EXD3: variants seen among roughly 807,000 people sequenced by gnomAD.
EXD3 encodes the protein exonuclease mut-7 homolog.
A neutral mutation model predicts 98.0 loss-of-function variants in EXD3; 92 were observed. The observed-to-expected ratio is 0.94, with a 90% CI of 0.79 to 1.12. The LOEUF (loss-of-function observed/expected upper bound fraction) is 1.12, where lower values mean the gene tolerates loss of function less well. EXD3 is among the 50% of genes most tolerant of loss of function. The probability of loss-of-function intolerance (pLI) is 0.00; values close to 1 mark genes in which losing one functional copy is unlikely to be tolerated. For synonymous variants in EXD3, 569 were observed against 526.0 expected, an observed-to-expected ratio of 1.08 and a Z score of -1.12; for missense variants, 1,222 against 1,191.6, an observed-to-expected ratio of 1.03 and a Z score of -0.38.
At chr9:137,374,259 G>A (rs1195338075) in intron 3 of EXD3, among the ~76,000 whole-genome samples, 1 of 152,246 alleles carries the variant, frequency 6.6e-6, no homozygotes, top group African/African-American at 2.4e-5. Context: ...CTAAAGGGGT[G>A]GACGGGTTCA....
At chr9:137,320,239 G>A (rs1399552353) in intron 19 of EXD3, among the ~76,000 whole-genome samples, 2 of 152,202 alleles carry the variant, frequency 1.3e-5, no homozygotes, top group African/African-American at 4.8e-5. Flanking sequence ...CCTGCCCCCA[G>A]ACAGAGGGGC....
In EXD3 at chr9:137,403,470, C is replaced by T. The variant is rs1002628774; in HGVS notation, c.-47-8066G>A. On this transcript the variant is annotated intron_variant, in intron 1 of 21. Transcript: ENST00000340951. This position sits in a 1 kb window ranked among gnomAD's most constrained non-coding sequence, Gnocchi z 6.1. Reference sequence around the variant, plus strand: ...ACCCTGGCCCAGGGTCTCCGAGGGTCGGGGGCCGCAGGGTCTGGCAGCACC... The same window carrying T: ...ACCCTGGCCCAGGGTCTCCGAGGGTTGGGGGCCGCAGGGTCTGGCAGCACC... Among the ~76,000 whole-genome samples the T allele has an allele frequency of 3.9e-5, 6 of 152,028 alleles. No homozygotes were observed. Among genetic ancestry groups the T allele is most frequent in the East Asian group, 1.9e-4 (1 of 5,134 alleles).
intron 2 of EXD3, 62 bp from the exon 3 acceptor site, chr9:137,383,439 C>T (rs1041980052): frequency 3.9e-5 from 51 of 1,311,194 alleles, no homozygotes; most frequent in African/African-American, 4.5e-5. Flanking sequence ...TCGCACAGCC[C>T]GCCGGGAAGT....
At chr9:137,365,862 C>T (rs1171203319) in intron 7 of EXD3, 2 of 364,716 alleles carry the variant, frequency 5.5e-6, no homozygotes, top group Non-Finnish European at 1.1e-5. Flanking sequence ...ACAATGCACA[C>T]ACAGATATAC....
At chr9:137,388,571 T>C (rs774401849) in intron 2 of EXD3, among the ~76,000 whole-genome samples, 5 of 151,936 alleles carry the variant, frequency 3.3e-5, no homozygotes, top group Non-Finnish European at 7.4e-5. Context: ...ATCCACAGGG[T>C]TGGGGGCACA....
intron 19 of EXD3, among the ~76,000 whole-genome samples, chr9:137,310,970 GCCT>G (rs1367790579): frequency 6.6e-6 from 1 of 152,244 alleles, no homozygotes; most frequent in Non-Finnish European, 1.5e-5. Context: ...CAGGCAGGTG[GCCT>G]CGAGGCCCCT....
intron 19 of EXD3, among the ~76,000 whole-genome samples, chr9:137,319,829 C>T (rs920279114): frequency 1.3e-5 from 2 of 152,220 alleles, no homozygotes; most frequent in African/African-American, 4.8e-5. Context: ...ATCGCACTGG[C>T]CCTGAGGGAC....
chr9:137,316,288 G>C (rs1016676647), intron 19 of EXD3, among the ~76,000 whole-genome samples: 2 of 151,908 alleles, frequency 1.3e-5, no homozygotes, highest in South Asian at 2.1e-4. Flanking sequence ...AGATTCAAAA[G>C]CTAACGGCCG....
At chr9:137,315,296 G>A (rs925186302) in intron 19 of EXD3, among the ~76,000 whole-genome samples, 7 of 152,252 alleles carry the variant, frequency 4.6e-5, no homozygotes, top group African/African-American at 1.7e-4. Context: ...ATGAAGGAAG[G>A]CCACCCCACC....
At chr9:137,337,618 T>C (rs1359481117) in intron 17 of EXD3, among the ~76,000 whole-genome samples, 5 of 151,312 alleles carry the variant, frequency 3.3e-5, no homozygotes, top group Non-Finnish European at 7.4e-5. Flanking sequence ...GCCACTGCAC[T>C]CCAGCCTGGG....
At position 137,307,907 on chromosome 9, in the gene EXD3, G is replaced by A. The variant is rs368352792; in HGVS notation, c.2279-261C>T. Among the ~76,000 whole-genome samples, 20 of 151,314 alleles carry A rather than the reference G, an allele frequency of 1.3e-4. No homozygotes were observed. In the East Asian group the frequency reaches 1.5e-3, roughly 12 times the overall value. On this transcript the variant is annotated intron_variant, in intron 20 of 21. Transcript: ENST00000340951. ...TCCCTGGGAAACATGTTCTAGGCGC[G>A]AGATCTGCTGATTAGGGCTCTTGGG...
intron 4 of EXD3, 82 bp downstream of exon 4, chr9:137,373,344 C>T (rs1835735034): frequency 1.3e-6 from 2 of 1,504,138 alleles, no homozygotes; most frequent in South Asian, 2.3e-5. Context: ...CTGCAAAGGC[C>T]TGGGCAGGTG....
In EXD3 at chr9:137,324,231, G is replaced by C. The variant is rs558599851; in HGVS notation, c.1999-88C>G. ...TCTGCTCGCCACCCCCTAGCTCCCC[G>C]GATCGTGGCCCTGCCCCAGGCCCCT... On this transcript the variant is annotated intron_variant, in intron 17 of 21. Coordinates refer to ENST00000340951, the MANE Select transcript of EXD3 (RefSeq NM_017820.5). The surrounding 1 kb of genome is among the most constrained non-coding windows in gnomAD (Gnocchi z 4.1). The C allele has an allele frequency of 1.1e-5, 13 of 1,184,404 alleles. No individual in the cohort carries two copies. In the African/African-American group the frequency reaches 2.0e-4, roughly 18 times the overall value. The allele number at this position is 1,184,404 out of a possible 1,614,324, so 73.4% of individuals were successfully genotyped here.
At chr9:137,409,586 C>A (rs1837897533) in intron 1 of EXD3, among the ~76,000 whole-genome samples, 1 of 152,050 alleles carries the variant, frequency 6.6e-6, no homozygotes, top group South Asian at 2.1e-4. Context: ...GGCATGGTGG[C>A]ATGCGGCGTG....
chr9:137,401,955 C>T (rs1439247018), intron 1 of EXD3, among the ~76,000 whole-genome samples: 2 of 152,206 alleles, frequency 1.3e-5, no homozygotes, highest in Non-Finnish European at 2.9e-5. Flanking sequence ...TTTTTCTTTT[C>T]TACTGCGTCA....
Position 137,356,489 on chromosome 9 carries a change from A to G in EXD3, c.657-121T>C. 6 of 696,476 alleles carry G rather than the reference A, an allele frequency of 8.6e-6. No individual in the cohort carries two copies. In the South Asian group the frequency reaches 8.8e-5, roughly 10 times the overall value. 43.1% of individuals were successfully genotyped at this position (696,476 alleles called of 1,614,324 possible). On this transcript the variant is annotated intron_variant, in intron 7 of 21. Transcript: ENST00000340951. ...AACCTCAAGTGAGGTTTATAAGAAA[A>G]TGCAGGCGTCACCGCCCCCCGCCCA...
chr9:137,335,002 G>C (rs977136215), intron 17 of EXD3, among the ~76,000 whole-genome samples: 2 of 151,890 alleles, frequency 1.3e-5, no homozygotes, highest in Non-Finnish European at 2.9e-5. Flanking sequence ...ACTTGAATCT[G>C]GGAGGTAGAG....
intron 2 of EXD3, among the ~76,000 whole-genome samples, chr9:137,390,525 C>T (rs759193459): frequency 1.1e-4 from 16 of 151,728 alleles, no homozygotes; most frequent in Non-Finnish European, 2.2e-4. Context: ...CATAAACTAA[C>T]TCCTTCAATA....
rs1837762580 is a variant in EXD3 at position 137,407,221 on chromosome 9, G to A, written c.-47-11817C>T. 6.6e-6 allele frequency among the ~76,000 whole-genome samples: 1 copy of A among 152,164 alleles called. No individual in the cohort carries two copies. The highest frequency in any genetic ancestry group is 1.5e-5 in the Non-Finnish European group (1 of 67,994). ...CGTCTCAGCCGCGTCGGTCCCAGGC[G>A]CCTCCCCTACCCGCACGCCCAGGCT... On this transcript the variant is annotated intron_variant, in intron 1 of 21. Coordinates refer to ENST00000340951, the MANE Select transcript of EXD3 (RefSeq NM_017820.5). This position sits in a 1 kb window ranked among gnomAD's most constrained non-coding sequence, Gnocchi z 4.4.
Sources: gnomAD v4.1 joint callset for allele counts (sites outside exome capture counted in the v4.1 genomes callset) on GRCh38, gnomAD v4.1.1 for gene constraint, Gnocchi (gnomAD v3.1) non-coding constraint, MANE v1.5 for transcripts, NCBI Gene and HGNC (gene_info 2026-07-23, HGNC 2026-07-21) for gene names.